Variants in SLC23A2 observed in about 807,000 individuals in gnomAD.
SLC23A2 encodes solute carrier family 23 member 2, also known as Na(+)/L-ascorbic acid transporter 2.
Under a neutral mutation model 73.3 loss-of-function variants are expected in SLC23A2, and 36 were observed. The ratio of observed to expected loss-of-function variants is 0.49; its 90% CI spans 0.38 to 0.65. The LOEUF (loss-of-function observed/expected upper bound fraction) is 0.65, where lower values mean the gene tolerates loss of function less well. Ranked by LOEUF, SLC23A2 falls within the 30% of genes least tolerant of loss-of-function variation. SLC23A2 has a pLI of 0.00. For missense variants in SLC23A2, 507 were observed against 841.6 expected (o/e 0.60, Z 4.92); for synonymous variants, 343 against 327.3 (o/e 1.05, Z -0.52).
At chr20:4,953,848 C>CACTGCA (rs2087241455) in intron 2 of SLC23A2, among the ~76,000 whole-genome samples, 1 of 151,998 alleles carries the variant, frequency 6.6e-6, no homozygotes, top group African/African-American at 2.4e-5. Flanking sequence ...GAGATTATGC[C>CACTGCA]ACTGCACACC....
intron 1 of SLC23A2, among the ~76,000 whole-genome samples, chr20:4,980,225 G>C (rs1193445905): frequency 6.6e-6 from 1 of 152,154 alleles, no homozygotes; most frequent in Non-Finnish European, 1.5e-5. Context: ...CAAATGATAT[G>C]CCTTCCAACA....
intron 9 of SLC23A2, among the ~76,000 whole-genome samples, chr20:4,875,978 G>A (rs1444329951): frequency 6.6e-6 from 1 of 152,260 alleles, no homozygotes; most frequent in East Asian, 1.9e-4. Context: ...GAGAACATGC[G>A]TGTGTTGCTC....
intron 1 of SLC23A2, among the ~76,000 whole-genome samples, chr20:4,982,872 G>A (rs1025368425): frequency 1.3e-5 from 2 of 151,660 alleles, no homozygotes; most frequent in African/African-American, 2.4e-5. Flanking sequence ...TTGGGAGGCC[G>A]AGGCAGGCAG....
chr20:4,978,055 A>G (rs2087671498), intron 1 of SLC23A2, among the ~76,000 whole-genome samples: 1 of 152,046 alleles, frequency 6.6e-6, no homozygotes, highest in Non-Finnish European at 1.5e-5. Flanking sequence ...AAAATTAAAG[A>G]CACCTTTCCT....
At chr20:4,967,192 T>G (rs1485490416) in intron 2 of SLC23A2, among the ~76,000 whole-genome samples, 1 of 152,174 alleles carries the variant, frequency 6.6e-6, no homozygotes, top group African/African-American at 2.4e-5. Context: ...TTGCTATTGA[T>G]CTGCAAGTTC....
chr20:5,008,847 A>G (rs1427837557), intron 1 of SLC23A2, among the ~76,000 whole-genome samples: 2 of 152,096 alleles, frequency 1.3e-5, no homozygotes, highest in Admixed American at 6.6e-5. Flanking sequence ...GATTGCAGAC[A>G]TGAGTCACCA....
Position 4,899,602 on chromosome 20 carries a change from G to C in SLC23A2, c.435C>G (p.Phe145Leu). 3 of 1,614,164 alleles carry C rather than the reference G, an allele frequency of 1.9e-6. No individual in the cohort carries two copies. Among genetic ancestry groups the C allele is most frequent in the Non-Finnish European group, 2.5e-6 (3 of 1,180,038 alleles). ...GCAAAGTAGTGATTCCCACACAGAAGAAAATGGTCCCAATGAGCTGGCTGG... is the reference window on the plus strand; with the variant it reads ...GCAAAGTAGTGATTCCCACACAGAACAAAATGGTCCCAATGAGCTGGCTGG... The part of the protein sequence containing the change: ...WATSQLIGTI[F>L]FCVGITTLLQ... Residue 145 changes from phenylalanine to leucine, a missense_variant, in exon 6 of 17, where the codon TTC (phenylalanine) becomes TTG (leucine). Phe to Leu is a conservative substitution (Grantham distance 22). Coordinates refer to ENST00000338244, the MANE Select transcript of SLC23A2 (RefSeq NM_005116.6). The surrounding 1 kb of genome is among the most constrained non-coding windows in gnomAD (Gnocchi z 4.9).
intron 3 of SLC23A2, among the ~76,000 whole-genome samples, chr20:4,931,452 T>C (rs186137848): frequency 6.6e-6 from 1 of 152,232 alleles, no homozygotes; most frequent in Admixed American, 6.5e-5. Flanking sequence ...AGATGCAACA[T>C]TGATAATAAT....
intron 3 of SLC23A2, among the ~76,000 whole-genome samples, chr20:4,925,160 ATGAT>A (rs1932627775): frequency 6.6e-6 from 1 of 151,546 alleles, no homozygotes; most frequent in Non-Finnish European, 1.5e-5. Context: ...TTCAGCCTGA[ATGAT>A]AGAGCAAGAC....
At position 4,979,381 on chromosome 20, in the gene SLC23A2, C is replaced by T. The variant is rs536134785; in HGVS notation, c.-281-8462G>A. Among the ~76,000 whole-genome samples the T allele has an allele frequency of 2.0e-5, 3 of 152,068 alleles. No homozygotes were observed. In the South Asian group the frequency reaches 6.2e-4, roughly 32 times the overall value. On this transcript the variant is annotated intron_variant, in intron 1 of 16. Transcript: ENST00000338244. ...ATGTGTACCCAAAGGGTCTAAACAC[C>T]AAAAGCGCCCAAACTTAAGGTTCAC...
intron 6 of SLC23A2, among the ~76,000 whole-genome samples, chr20:4,892,346 C>T (rs533479507): frequency 6.6e-6 from 1 of 152,228 alleles, no homozygotes; most frequent in South Asian, 2.1e-4. Context: ...ACCACCATGC[C>T]CAGCTAATTT....
chr20:4,946,068 T>A (rs555879741), intron 2 of SLC23A2, among the ~76,000 whole-genome samples: 1 of 152,270 alleles, frequency 6.6e-6, no homozygotes, highest in East Asian at 1.9e-4. Flanking sequence ...ATGGAAGGAA[T>A]CTCCTTTGCA....
rs1242338761 is a variant in SLC23A2, at chr20:4,862,710, C to G, written c.1486+68G>C. 6.9e-7 allele frequency: 1 copy of G among 1,441,488 alleles called. No individual in the cohort carries two copies. 89.3% of individuals were successfully genotyped at this position (1,441,488 alleles called of 1,614,324 possible). Reference sequence around the variant, plus strand: ...TTACCTTCTTACTGAAGGGAGTCAGCAAAAACACCATGACCCCTATTAAAA... The same window carrying G: ...TTACCTTCTTACTGAAGGGAGTCAGGAAAAACACCATGACCCCTATTAAAA... On this transcript the variant is annotated intron_variant, in intron 14 of 16. Coordinates refer to ENST00000338244, the MANE Select transcript of SLC23A2 (RefSeq NM_005116.6). This position sits in a 1 kb window ranked among gnomAD's most constrained non-coding sequence, Gnocchi z 5.1.
Position 4,913,044 on chromosome 20 carries a change from T to C in SLC23A2, c.109-66A>G, listed in dbSNP as rs1932213532. 2.9e-6 allele frequency: 3 copies of C among 1,024,274 alleles called. No individual in the cohort carries two copies. The Admixed American group carries it at 5.1e-5, about 17-fold the overall frequency. The allele number at this position is 1,024,274 out of a possible 1,614,324, so 63.4% of individuals were successfully genotyped here. ...CACATTTTCCTCCCCCCGAAAGCCA[T>C]TTGTAATTCTCCTGGTGAGTGCATG... On this transcript the variant is annotated intron_variant, in intron 3 of 16. Coordinates refer to ENST00000338244, the MANE Select transcript of SLC23A2 (RefSeq NM_005116.6).
At chr20:4,901,765 A>G (rs1236541036) in intron 5 of SLC23A2, among the ~76,000 whole-genome samples, 2 of 152,196 alleles carry the variant, frequency 1.3e-5, no homozygotes, top group Non-Finnish European at 1.5e-5. Context: ...CTCCTGTTTC[A>G]TGGCAGAGGT....
At chr20:4,898,806 A>T (rs1427632651) in intron 6 of SLC23A2, among the ~76,000 whole-genome samples, 1 of 152,204 alleles carries the variant, frequency 6.6e-6, no homozygotes, top group East Asian at 1.9e-4. Context: ...AAAGACATAG[A>T]AACAAAAAGG....
At chr20:4,894,510 T>C (rs1217996899) in intron 6 of SLC23A2, among the ~76,000 whole-genome samples, 1 of 152,234 alleles carries the variant, frequency 6.6e-6, no homozygotes, top group Non-Finnish European at 1.5e-5. Flanking sequence ...CCAGTCAGCC[T>C]TGGGAAATGT....
intron 11 of SLC23A2, 51 bp from the exon 12 acceptor site, chr20:4,870,104 AC>A: frequency 2.7e-6 from 4 of 1,484,168 alleles, no homozygotes; most frequent in Non-Finnish European, 3.6e-6. Flanking sequence ...GGCGAAAGTG[AC>A]CAGGACCAGT....
chr20:4,871,250 GATCCA>G (rs1930435564), intron 11 of SLC23A2, among the ~76,000 whole-genome samples: 1 of 152,186 alleles, frequency 6.6e-6, no homozygotes, highest in Admixed American at 6.5e-5. Context: ...CACTCCAAAA[GATCCA>G]GGGAGAGGGA....
Sources: allele counts gnomAD v4.1 joint callset (sites outside exome capture counted in the v4.1 genomes callset), GRCh38; gene constraint gnomAD v4.1.1; non-coding constraint Gnocchi (gnomAD v3.1); transcripts MANE v1.5; gene names NCBI Gene and HGNC (gene_info 2026-07-23, HGNC 2026-07-21).